The following DGKI variants were observed in gnomAD, a reference collection of about 807,000 sequenced individuals.
DGKI encodes the protein DAG kinase iota.
In DGKI, 55 loss-of-function variants were observed where a neutral mutation model predicts 147.5. That is an observed-to-expected ratio of 0.37 (90% CI 0.30 to 0.47). The LOEUF is 0.47. Among genes scored for constraint, DGKI ranks in the 20% least tolerant of loss-of-function variants. The probability of loss-of-function intolerance (pLI) is 1.00; values close to 1 mark genes in which losing one functional copy is unlikely to be tolerated. For missense variants in DGKI, 1,007 were observed against 1,323.8 expected, an observed-to-expected ratio of 0.76 and a Z score of 3.71; for synonymous variants, 469 against 477.1, an observed-to-expected ratio of 0.98 and a Z score of 0.22.
intron 1 of DGKI, among the ~76,000 whole-genome samples, chr7:137,798,721 CTT>C (rs1290974599): frequency 6.6e-6 from 1 of 152,158 alleles, no homozygotes; most frequent in Admixed American, 6.6e-5. Context: ...TGTCCAGACT[CTT>C]TTAAATACAT....
chr7:137,424,750 T>A (rs978976654), intron 28 of DGKI, among the ~76,000 whole-genome samples: 2 of 151,312 alleles, frequency 1.3e-5, no homozygotes, highest in African/African-American at 4.8e-5. Flanking sequence ...CGCACCTGGA[T>A]TGGAGGGTCC....
At chr7:137,621,255 T>C (rs1028466798) in intron 7 of DGKI, among the ~76,000 whole-genome samples, 1 of 152,236 alleles carries the variant, frequency 6.6e-6, no homozygotes, top group Non-Finnish European at 1.5e-5. Flanking sequence ...GAATACCTTC[T>C]TTAAAAATTG....
chr7:137,630,610 C>T (rs183320241), intron 6 of DGKI, among the ~76,000 whole-genome samples: 152 of 152,256 alleles, frequency 1.0e-3, no homozygotes, highest in East Asian at 6.8e-3. Flanking sequence ...AACCCAAGAC[C>T]TTGGAATTGA....
At chr7:137,792,990 C>A (rs549982938) in intron 1 of DGKI, among the ~76,000 whole-genome samples, 2 of 152,338 alleles carry the variant, frequency 1.3e-5, no homozygotes, top group African/African-American at 2.4e-5. Flanking sequence ...AACTTACAAG[C>A]ATTCACTCAT....
In DGKI at chr7:137,482,585, G is replaced by A. The variant is rs555565265; in HGVS notation, c.2373+2789C>T. ...CTAACAGGCATATCAAAACTAATACGGCTAACACAGAACTCTATTTCCTAT... is the reference window on the plus strand; with the variant it reads ...CTAACAGGCATATCAAAACTAATACAGCTAACACAGAACTCTATTTCCTAT... On this transcript the variant is annotated intron_variant, in intron 23 of 32. Coordinates refer to ENST00000614521, the MANE Select transcript of DGKI (RefSeq NM_001321708.2). Among the ~76,000 whole-genome samples, 27 of 151,784 alleles carry A rather than the reference G, an allele frequency of 1.8e-4. 1 individual carries two copies. The highest frequency in any genetic ancestry group is 4.6e-4 in the African/African-American group (19 of 41,400).
intron 1 of DGKI, among the ~76,000 whole-genome samples, chr7:137,775,805 C>T (rs1411516399): frequency 1.3e-5 from 2 of 152,038 alleles, no homozygotes; most frequent in Admixed American, 6.6e-5. Context: ...TCATTAGATA[C>T]AATAAAGTAG....
intron 5 of DGKI, among the ~76,000 whole-genome samples, chr7:137,645,812 C>T (rs1448129576): frequency 6.6e-6 from 1 of 152,122 alleles, no homozygotes; most frequent in Admixed American, 6.5e-5. Context: ...ATCATCTAAG[C>T]CCAGATGAGC....
At chr7:137,740,567 A>G (rs1369292818) in intron 1 of DGKI, among the ~76,000 whole-genome samples, 1 of 152,192 alleles carries the variant, frequency 6.6e-6, no homozygotes, top group Non-Finnish European at 1.5e-5. Flanking sequence ...TCTGCAAGAA[A>G]TGGAGACTAG....
At chr7:137,460,503 A>G (rs542604593) in intron 27 of DGKI, among the ~76,000 whole-genome samples, 9 of 152,340 alleles carry the variant, frequency 5.9e-5, no homozygotes, top group South Asian at 2.1e-4. Context: ...GGCAAAAACA[A>G]AAATACAAGT....
At chr7:137,608,206 G>A (rs570259438) in intron 10 of DGKI, among the ~76,000 whole-genome samples, 19 of 152,168 alleles carry the variant, frequency 1.2e-4, no homozygotes, top group African/African-American at 2.2e-4. Context: ...TATATACTTC[G>A]TGGATAAAGA....
chr7:137,400,637 G>A lies in DGKI; in HGVS notation c.2921-3224C>T, dbSNP rs528634952. 4.6e-5 allele frequency among the ~76,000 whole-genome samples: 7 copies of A among 152,198 alleles called. No individual in the cohort carries two copies. In the East Asian group the frequency reaches 5.8e-4, roughly 13 times the overall value. ...TCCAGTCTGTGAGTCAGGCATGCCC[G>A]CGGCTACCCATCACTCTCCTTCCCT... On this transcript the variant is annotated intron_variant, in intron 30 of 32. Coordinates refer to ENST00000614521, the MANE Select transcript of DGKI (RefSeq NM_001321708.2).
intron 1 of DGKI, among the ~76,000 whole-genome samples, chr7:137,826,728 G>A (rs1392587118): frequency 1.1e-4 from 17 of 152,194 alleles, no homozygotes; most frequent in Admixed American, 9.8e-4. Flanking sequence ...AGGGGGCGGC[G>A]GGGGCAGGCG....
chr7:137,551,705 A>G (rs1286316296), intron 20 of DGKI, among the ~76,000 whole-genome samples: 2 of 152,198 alleles, frequency 1.3e-5, no homozygotes, highest in African/African-American at 4.8e-5. Flanking sequence ...ATATTACCTT[A>G]CCTCAAGTCA....
chr7:137,482,433 G>T (rs1815403940), intron 23 of DGKI, among the ~76,000 whole-genome samples: 3 of 151,684 alleles, frequency 2.0e-5, no homozygotes, highest in Non-Finnish European at 4.4e-5. Flanking sequence ...ATCTCCTCCG[G>T]CCTTGTAGTT....
intron 1 of DGKI, among the ~76,000 whole-genome samples, chr7:137,768,387 C>G (rs889701855): frequency 2.6e-5 from 4 of 152,096 alleles, no homozygotes; most frequent in African/African-American, 9.7e-5. Flanking sequence ...TGAGGCATAA[C>G]AATGTGAATA....
intron 20 of DGKI, among the ~76,000 whole-genome samples, chr7:137,544,368 C>T (rs187527412): frequency 2.6e-5 from 4 of 152,098 alleles, no homozygotes; most frequent in African/African-American, 7.2e-5. Context: ...GAATTTTACT[C>T]CAGCCACAAC....
At chr7:137,559,463 T>C (rs1318724285) in intron 19 of DGKI, among the ~76,000 whole-genome samples, 4 of 152,072 alleles carry the variant, frequency 2.6e-5, no homozygotes, top group South Asian at 2.1e-4. Context: ...TGATGTGATA[T>C]TGTCCAGCCA....
At chr7:137,689,232 C>T (rs1173571458) in intron 2 of DGKI, among the ~76,000 whole-genome samples, 1 of 152,166 alleles carries the variant, frequency 6.6e-6, no homozygotes, top group East Asian at 1.9e-4. Context: ...CATATTGCTT[C>T]AGGAAGGGAC....
At chr7:137,812,442 G>C (rs1435535821) in intron 1 of DGKI, among the ~76,000 whole-genome samples, 2 of 152,164 alleles carry the variant, frequency 1.3e-5, no homozygotes, top group Non-Finnish European at 2.9e-5. Flanking sequence ...CTCTTAATTA[G>C]TTTTGTTTTA....
Sources: gnomAD v4.1 joint callset for allele counts (sites outside exome capture counted in the v4.1 genomes callset) on GRCh38, gnomAD v4.1.1 for gene constraint, MANE v1.5 for transcripts, NCBI Gene and HGNC (gene_info 2026-07-23, HGNC 2026-07-21) for gene names.